Variants in CTBP1 observed in about 807,000 individuals in gnomAD.
CTBP1 encodes the protein C-terminal binding protein 1, also known as C-terminal-binding protein 1.
Under a neutral mutation model 42.1 loss-of-function variants are expected in CTBP1, and 11 were observed. That is an observed-to-expected ratio of 0.26 (90% CI 0.16 to 0.43). CTBP1 has a LOEUF of 0.43. CTBP1 is among the 20% of genes least tolerant of loss of function. The pLI is 1.00. For synonymous variants in CTBP1, 324 were observed against 277.1 expected (o/e 1.17, Z -1.68); for missense variants, 399 against 624.3 (o/e 0.64, Z 3.85).
rs186984898 is a variant in CTBP1, at chr4:1,211,862, A to G, written c.*378T>C. ...GCCTCATTCTGGGGCACGTTCCAAC[A>G]TACAAAAAAAAAAAAAACAAAAAAA... On this transcript the variant is annotated 3_prime_UTR_variant, in exon 10 of 10. Transcript: ENST00000382952. 3.9e-3 allele frequency: 644 copies of G among 166,742 alleles called. 4 individuals carry two copies. The highest frequency in any genetic ancestry group is 0.015 in the African/African-American group (614 of 41,610). 10.3% of individuals were successfully genotyped at this position (166,742 alleles called of 1,614,324 possible).
rs758892680 is a variant in CTBP1 at position 1,212,920 on chromosome 4, C to T, written c.1099G>A (p.Ala367Thr). Reference protein sequence around the residue: ...AVVHPELNGAAYRYPPGVVGV... With the variant: ...AVVHPELNGATYRYPPGVVGV... The stretch of plus-strand genomic sequence containing the variant: ...GCCAGCGGGCCTGCTCACCTATAGG[C>T]AGCCCCATTGAGCTCAGGGTGCACG... Residue 367 changes from alanine (A) to threonine (T), a missense_variant, in exon 9 of 10, where the codon GCC becomes ACC. Physicochemically the swap from Ala to Thr is moderately conservative, Grantham distance 58 (BLOSUM62 0). This residue lies in a region of CTBP1 where 309 missense variants were observed against 497.5 expected (regional missense o/e 0.62). Transcript: ENST00000382952. 1.9e-6 allele frequency: 3 copies of T among 1,613,552 alleles called. No homozygotes were observed. The highest frequency in any genetic ancestry group is 2.5e-6 in the Non-Finnish European group (3 of 1,179,886).
At chr4:1,218,895 CG>C (rs1729437489) in intron 5 of CTBP1, among the ~76,000 whole-genome samples, 1 of 152,120 alleles carries the variant, frequency 6.6e-6, no homozygotes, top group Non-Finnish European at 1.5e-5. Context: ...ACAGAAAACA[CG>C]TAGCCAGATG....
chr4:1,223,937 C>T (rs900451903), intron 5 of CTBP1, among the ~76,000 whole-genome samples: 1 of 152,210 alleles, frequency 6.6e-6, no homozygotes, highest in African/African-American at 2.4e-5. Context: ...CCAGGATAGG[C>T]GGCTGCAAAG....
chr4:1,214,858 G>A (rs949475365), intron 6 of CTBP1, among the ~76,000 whole-genome samples: 5 of 152,246 alleles, frequency 3.3e-5, no homozygotes, highest in African/African-American at 7.2e-5. Context: ...TCCCTGGGAC[G>A]GCAAAGCCCA....
intron 3 of CTBP1, chr4:1,236,367 C>T: frequency 2.0e-6 from 1 of 505,322 alleles, no homozygotes; most frequent in Non-Finnish European, 3.6e-6. Context: ...CACTGCTGGA[C>T]CAAAGCCAGG....
In CTBP1 at chr4:1,244,358, G is replaced by GGGC. The variant is rs1041153594; in HGVS notation, c.-188-2840_-188-2839insGCC. On this transcript the variant is annotated intron_variant, in intron 1 of 9. Coordinates refer to ENST00000382952, the MANE Select transcript of CTBP1 (RefSeq NM_001012614.2). ...CCACAGTGGGTCTCTGGGCACTGGG[G>GGGC]GGGGGGTGTTCCAGGAAGTCCCAGG... 367 of 983,030 alleles carry GGGC rather than the reference G, an allele frequency of 3.7e-4. 1 individual carries two copies. The highest frequency in any genetic ancestry group is 4.2e-4 in the Non-Finnish European group (348 of 828,256). 60.9% of individuals were successfully genotyped at this position (983,030 alleles called of 1,614,324 possible).
Position 1,241,501 on chromosome 4 carries a change from C to A in CTBP1, c.-170G>T, listed in dbSNP as rs554691885. 3.1e-5 allele frequency: 49 copies of A among 1,600,906 alleles called. No individual in the cohort carries two copies. Among genetic ancestry groups the A allele is most frequent in the Non-Finnish European group, 4.2e-5 (49 of 1,178,016 alleles). ...GATCCGCGGCAATCACTGAAGCCTGCGTCGGGGTCAAAGTCTTACTAAAAA... is the reference window on the plus strand; with the variant it reads ...GATCCGCGGCAATCACTGAAGCCTGAGTCGGGGTCAAAGTCTTACTAAAAA... On this transcript the variant is annotated 5_prime_UTR_variant, in exon 2 of 10. Transcript: ENST00000382952.
At chr4:1,227,342 AGTGT>A (rs1030759096) in intron 4 of CTBP1, among the ~76,000 whole-genome samples, 1 of 146,580 alleles carries the variant, frequency 6.8e-6, no homozygotes, top group Admixed American at 6.8e-5. Context: ...GGTGCAGATG[AGTGT>A]GTGTGTTCCA....
intron 4 of CTBP1, 77 bp from the exon 5 acceptor site, chr4:1,225,643 G>C: frequency 7.1e-7 from 1 of 1,416,546 alleles, no homozygotes; most frequent in East Asian, 2.5e-5. Context: ...GCCGTGACTG[G>C]AGCGGGTTTG....
chr4:1,225,542 G>A lies in CTBP1; in HGVS notation c.332C>T (p.Ala111Val), dbSNP rs1226802355. ...GTCGGCCGTCTCCTCCACAGACGCCGCGGGCACGTTGCAGACGGCAATGCC... is the reference window on the plus strand; with the variant it reads ...GTCGGCCGTCTCCTCCACAGACGCCACGGGCACGTTGCAGACGGCAATGCC... ...DLGIAVCNVP[A>V]ASVEETADST... The change falls in exon 5 of 10, where the codon GCG (alanine) becomes GTG (valine). Residue 111 changes from alanine (A) to valine (V), a missense_variant. Transcript: ENST00000382952. 20 of 1,542,676 alleles carry A rather than the reference G, an allele frequency of 1.3e-5. No individual in the cohort carries two copies. The highest frequency in any genetic ancestry group is 2.4e-5 in the East Asian group (1 of 40,904).
At chr4:1,248,629 A>G (rs1263646603) in intron 1 of CTBP1, 1 of 968,450 alleles carries the variant, frequency 1.0e-6, no homozygotes, top group Non-Finnish European at 1.2e-6. Flanking sequence ...CCGGCGGGGC[A>G]GCCCAGAGGC....
At chr4:1,214,884 A>G (rs1277273006) in intron 6 of CTBP1, among the ~76,000 whole-genome samples, 1 of 152,242 alleles carries the variant, frequency 6.6e-6, no homozygotes, top group Non-Finnish European at 1.5e-5. Flanking sequence ...GTCTGTTCTG[A>G]GGCGTGGTCT....
At chr4:1,227,797 G>A (rs934973659) in intron 4 of CTBP1, among the ~76,000 whole-genome samples, 2 of 152,234 alleles carry the variant, frequency 1.3e-5, no homozygotes. Context: ...TCTGTGTGCT[G>A]AGTGCACACG....
At position 1,244,159 on chromosome 4, in the gene CTBP1, T is replaced by C. The variant is rs151157996; in HGVS notation, c.-188-2640A>G. On this transcript the variant is annotated intron_variant, in intron 1 of 9. Coordinates refer to ENST00000382952, the MANE Select transcript of CTBP1 (RefSeq NM_001012614.2). ...TGGCCACATGTCAACGCCCTGTCTC[T>C]GGATGCACATCACCATCTGCTTGCC... The C allele has an allele frequency of 7.5e-3, 7,408 of 985,306 alleles. 27 individuals are homozygous for C. Among genetic ancestry groups the C allele is most frequent in the Non-Finnish European group, 8.3e-3 (6,855 of 829,856 alleles). 61.0% of individuals were successfully genotyped at this position (985,306 alleles called of 1,614,324 possible). A position where few individuals can be genotyped will look rare whatever the true frequency, so the allele number is the denominator to read the frequency against.
At chr4:1,240,002 A>C (rs1405876629) in intron 2 of CTBP1, among the ~76,000 whole-genome samples, 1 of 152,156 alleles carries the variant, frequency 6.6e-6, no homozygotes, top group Non-Finnish European at 1.5e-5. Flanking sequence ...AGAAAGGTTT[A>C]TGTTGCTGTT....
At position 1,216,193 on chromosome 4, in the gene CTBP1, T is replaced by A; in HGVS notation, c.527A>T (p.Gln176Leu). ...LGIIGLGRVG[Q>L]AVALRAKAFG... ...GGCCTTGGCCCGCAGCGCCACTGCC[T>A]GCCCCACGCGACCTGGTGGCGTCAA... Residue 176 changes from glutamine (Q) to leucine (L), a missense_variant, in exon 6 of 10, where the codon CAG becomes CTG. Physicochemically the swap from Gln to Leu is moderately radical, Grantham distance 113. Transcript: ENST00000382952. 6.2e-7 allele frequency: 1 copy of A among 1,610,048 alleles called. No individual in the cohort carries two copies. Among genetic ancestry groups the A allele is most frequent in the East Asian group, 2.2e-5 (1 of 44,866 alleles).
chr4:1,213,812 G>A (rs1025047229), intron 7 of CTBP1: 3 of 587,856 alleles, frequency 5.1e-6, no homozygotes, highest in Non-Finnish European at 5.7e-6. Flanking sequence ...AGCGGCGGGT[G>A]TGGGAGCCCA....
At chr4:1,217,943 T>C (rs1399281952) in intron 5 of CTBP1, 1 of 152,154 alleles carries the variant, frequency 6.6e-6, no homozygotes, top group Non-Finnish European at 1.5e-5. Context: ...GGAAGATGAA[T>C]GGTAACTCTA....
At chr4:1,239,801 A>G (rs985972147) in intron 2 of CTBP1, among the ~76,000 whole-genome samples, 1 of 152,202 alleles carries the variant, frequency 6.6e-6, no homozygotes, top group Non-Finnish European at 1.5e-5. Context: ...CCTTCAAGAT[A>G]GGAAACCAGA....
Sources: gnomAD v4.1 joint callset for allele counts (sites outside exome capture counted in the v4.1 genomes callset) on GRCh38, gnomAD v4.1.1 for gene constraint, gnomAD v4.1.1 regional missense constraint, MANE v1.5 for transcripts, NCBI Gene and HGNC (gene_info 2026-07-23, HGNC 2026-07-21) for gene names.